The following CPA6 variants were observed in gnomAD, a reference collection of about 807,000 sequenced individuals.
CPA6 encodes carboxypeptidase A6.
CPA6 carries 58 observed loss-of-function variants against 63.3 expected under a neutral mutation model. That is an observed-to-expected ratio of 0.92 (90% CI 0.74 to 1.14). CPA6 has a LOEUF of 1.14. Ranked by LOEUF, CPA6 falls within the 50% of genes most tolerant of loss-of-function variation. The pLI is 0.00. For missense variants in CPA6, 565 were observed against 526.6 expected, an observed-to-expected ratio of 1.07 and a Z score of -0.71; for synonymous variants, 185 against 179.0, an observed-to-expected ratio of 1.03 and a Z score of -0.27.
chr8:67,474,736 G>A (rs1024902051), intron 8 of CPA6, among the ~76,000 whole-genome samples: 1 of 152,148 alleles, frequency 6.6e-6, no homozygotes, highest in African/African-American at 2.4e-5. Context: ...AGCACTTTGG[G>A]AGGCTGAGTT....
chr8:67,731,261 C>A (rs569722474), intron 1 of CPA6, among the ~76,000 whole-genome samples: 1 of 152,318 alleles, frequency 6.6e-6, no homozygotes, highest in South Asian at 2.1e-4. Context: ...CTTTTTCACA[C>A]ACAAAAAAAG....
At chr8:67,487,702 C>G (rs2128961786) in intron 6 of CPA6, among the ~76,000 whole-genome samples, 1 of 152,346 alleles carries the variant, frequency 6.6e-6, no homozygotes, top group East Asian at 1.9e-4. Context: ...TATTTCTCCA[C>G]ATCCTCTCCA....
At chr8:67,730,988 CCTG>C (rs1363605442) in intron 1 of CPA6, among the ~76,000 whole-genome samples, 5 of 152,200 alleles carry the variant, frequency 3.3e-5, no homozygotes, top group Non-Finnish European at 4.4e-5. Context: ...TATTTGCAAT[CCTG>C]CTATTACAGA....
intron 1 of CPA6, among the ~76,000 whole-genome samples, chr8:67,725,978 T>A (rs1057352445): frequency 6.6e-6 from 1 of 152,168 alleles, no homozygotes; most frequent in African/African-American, 2.4e-5. Flanking sequence ...TACCCCAGAT[T>A]TGCGCTATGA....
intron 2 of CPA6, among the ~76,000 whole-genome samples, chr8:67,595,593 G>A (rs972910202): frequency 6.6e-5 from 10 of 152,296 alleles, no homozygotes; most frequent in Admixed American, 1.3e-4. Context: ...AATGGCGGGC[G>A]CCCCTCCCCC....
chr8:67,445,200 C>A (rs868429584), intron 8 of CPA6, among the ~76,000 whole-genome samples: 5 of 151,330 alleles, frequency 3.3e-5, no homozygotes, highest in South Asian at 2.1e-4. Flanking sequence ...TAGAGGTAAC[C>A]TTGGGGATAA....
intron 1 of CPA6, among the ~76,000 whole-genome samples, chr8:67,651,325 G>T (rs1000438310): frequency 6.6e-6 from 1 of 152,172 alleles, no homozygotes; most frequent in African/African-American, 2.4e-5. Context: ...AATAGTGAGA[G>T]ATTTTTGAGT....
intron 2 of CPA6, among the ~76,000 whole-genome samples, chr8:67,555,129 G>C (rs1319226593): frequency 6.6e-6 from 1 of 152,144 alleles, no homozygotes; most frequent in Non-Finnish European, 1.5e-5. Context: ...TTTGTCCCCA[G>C]TTCCTGGCAC....
At chr8:67,646,449 A>G (rs16933491) in intron 1 of CPA6, among the ~76,000 whole-genome samples, 2,814 of 152,208 alleles carry the variant, frequency 0.018, 44 homozygotes, top group South Asian at 0.04. Context: ...ACAGGGAAAT[A>G]CCCCATTTTT....
chr8:67,706,438 A>G (rs976024448), intron 1 of CPA6, among the ~76,000 whole-genome samples: 15 of 152,336 alleles, frequency 9.8e-5, no homozygotes, highest in African/African-American at 3.4e-4. Flanking sequence ...ACAGTTTCAC[A>G]TGAAAGGCAT....
chr8:67,515,972 C>A (rs1261560874), intron 3 of CPA6, among the ~76,000 whole-genome samples: 14 of 152,200 alleles, frequency 9.2e-5, no homozygotes, highest in Admixed American at 9.2e-4. Context: ...TTGGCCCCCT[C>A]ATCCGTCCTA....
intron 1 of CPA6, among the ~76,000 whole-genome samples, chr8:67,657,836 T>C (rs1341817312): frequency 2.0e-5 from 3 of 152,190 alleles, no homozygotes; most frequent in Non-Finnish European, 2.9e-5. Flanking sequence ...TACTTTCTCC[T>C]CATGCCAGTG....
At chr8:67,710,396 C>T (rs1355603685) in intron 1 of CPA6, among the ~76,000 whole-genome samples, 5 of 132,134 alleles carry the variant, frequency 3.8e-5, no homozygotes, top group South Asian at 2.6e-4. Flanking sequence ...GCAAATTTCC[C>T]GCCCCCACCC....
Position 67,434,160 on chromosome 8 carries a change from C to A in CPA6, c.919G>T (p.Ala307Ser). The change falls in exon 9 of 11, where the codon GCT (alanine) becomes TCT (serine). Residue 307 changes from alanine to serine, a missense_variant. Coordinates refer to ENST00000297770, the MANE Select transcript of CPA6 (RefSeq NM_020361.5). ...PESEPEVKAV[A>S]NFLRKHRKHI... ...TTTCTGTGTTTTCGAAGGAAGTTAG[C>A]TACAGCCTTCACTTCCGGCTCAGAT... The A allele has an allele frequency of 6.2e-7, 1 of 1,614,090 alleles. No homozygotes were observed. The highest frequency in any genetic ancestry group is 8.5e-7 in the Non-Finnish European group (1 of 1,179,980).
intron 1 of CPA6, among the ~76,000 whole-genome samples, chr8:67,702,690 C>T (rs886801677): frequency 5.9e-5 from 9 of 152,146 alleles, no homozygotes; most frequent in African/African-American, 1.7e-4. Flanking sequence ...AAGGGAAAAA[C>T]GCCTCAAGTG....
intron 9 of CPA6, among the ~76,000 whole-genome samples, chr8:67,429,940 T>C (rs1809983494): frequency 6.6e-6 from 1 of 152,152 alleles, no homozygotes; most frequent in Non-Finnish European, 1.5e-5. Flanking sequence ...GGTTTAGATG[T>C]GATCTCTCCA....
chr8:67,423,462 G>C (rs1448948659), intron 10 of CPA6, among the ~76,000 whole-genome samples: 5 of 152,170 alleles, frequency 3.3e-5, no homozygotes, highest in Non-Finnish European at 5.9e-5. Flanking sequence ...TACTTAGATT[G>C]GTATTTTCCA....
chr8:67,642,431 T>C (rs1815614227), intron 1 of CPA6, among the ~76,000 whole-genome samples: 1 of 152,200 alleles, frequency 6.6e-6, no homozygotes, highest in Non-Finnish European at 1.5e-5. Flanking sequence ...CTCAAATTTA[T>C]CTATAGATTC....
intron 2 of CPA6, among the ~76,000 whole-genome samples, chr8:67,592,342 A>T (rs1254060737): frequency 6.6e-6 from 1 of 152,150 alleles, no homozygotes; most frequent in African/African-American, 2.4e-5. Context: ...ATTGGTCTAA[A>T]ATTCTCTTTT....
Sources: allele counts gnomAD v4.1 joint callset (sites outside exome capture counted in the v4.1 genomes callset), GRCh38; gene constraint gnomAD v4.1.1; transcripts MANE v1.5; gene names NCBI Gene and HGNC (gene_info 2026-07-23, HGNC 2026-07-21).